Variants in TRIM25 observed in about 807,000 individuals in gnomAD.
TRIM25 encodes the protein E3 ubiquitin/ISG15 ligase TRIM25.
In TRIM25, 45 loss-of-function variants were observed where a neutral mutation model predicts 65.2. That is an observed-to-expected ratio of 0.69 (90% confidence interval 0.54 to 0.89). TRIM25 has a LOEUF of 0.89. Ranked by LOEUF, TRIM25 falls within the 40% of genes least tolerant of loss-of-function variation. TRIM25 has a pLI of 0.00. For missense variants in TRIM25, 714 were observed against 803.7 expected, an observed-to-expected ratio of 0.89 and a Z score of 1.35; for synonymous variants, 321 against 340.4, an observed-to-expected ratio of 0.94 and a Z score of 0.63.
In TRIM25 at chr17:56,904,408, G is replaced by A. The variant is rs1416135098; in HGVS notation, c.774C>T (p.Thr258=). Residue 258 remains threonine, a synonymous_variant, in exon 3 of 9, where the codon ACC becomes ACT. Transcript: ENST00000316881. ...CCTCTTCCTTTATCTTCCTTGTCGA[G>A]GTGGTCTCTGAGGCGTCCAAGAGAG... The part of the protein sequence containing the change: ...MKALLDASET[T]STRKIKEEEK... The A allele has an allele frequency of 1.2e-6, 2 of 1,613,950 alleles. No individual in the cohort carries two copies. Among genetic ancestry groups the A allele is most frequent in the Admixed American group, 3.3e-5 (2 of 60,000 alleles).
intron 6 of TRIM25, 37 bp from the exon 7 acceptor site, chr17:56,895,641 C>A (rs373056730): frequency 3.9e-6 from 6 of 1,527,982 alleles, no homozygotes; most frequent in Admixed American, 2.1e-5. Flanking sequence ...TACAGAGCAA[C>A]GGGATGGCCT....
At position 56,891,391 on chromosome 17, in the gene TRIM25, G is replaced by A; in HGVS notation, c.*309C>T. 1 of 402,238 alleles carries A rather than the reference G, an allele frequency of 2.5e-6. No homozygotes were observed. Among genetic ancestry groups the A allele is most frequent in the Non-Finnish European group, 4.6e-6 (1 of 217,818 alleles). The allele number at this position is 402,238 out of a possible 1,614,324, so 24.9% of individuals were successfully genotyped here. On this transcript the variant is annotated 3_prime_UTR_variant, in exon 9 of 9. Coordinates refer to ENST00000316881, the MANE Select transcript of TRIM25 (RefSeq NM_005082.5). Reference sequence around the variant, plus strand: ...ATGGATTTTCTCTAAGAGGAATCGGGCACTCATGACTTCACTTCCCAGAGC... The same window carrying A: ...ATGGATTTTCTCTAAGAGGAATCGGACACTCATGACTTCACTTCCCAGAGC...
intron 2 of TRIM25, among the ~76,000 whole-genome samples, chr17:56,905,516 T>A (rs1909502949): frequency 1.3e-5 from 2 of 152,200 alleles, no homozygotes; most frequent in Non-Finnish European, 2.9e-5. Flanking sequence ...TAGTCCAAAC[T>A]GAGACTTGCC....
chr17:56,894,177 T>G (rs559009107), intron 8 of TRIM25, among the ~76,000 whole-genome samples: 22 of 152,362 alleles, frequency 1.4e-4, no homozygotes, highest in African/African-American at 5.3e-4. Flanking sequence ...ACATACAGCT[T>G]TCCGTGCTTG....
At chr17:56,901,004 A>T (rs757651979) in intron 4 of TRIM25, among the ~76,000 whole-genome samples, 3 of 152,190 alleles carry the variant, frequency 2.0e-5, no homozygotes, top group Non-Finnish European at 4.4e-5. Flanking sequence ...AGGAGATTGA[A>T]AGAAGTGAAA....
rs145869531 is a variant in TRIM25, at chr17:56,895,300, G to C, written c.1363+43C>G. The stretch of plus-strand genomic sequence containing the variant: ...GAGCTGCACAGAGCGGCGCAGGAGA[G>C]ACAGAACCAGTGGAACCGCGCACCA... On this transcript the variant is annotated intron_variant, in intron 8 of 8. Coordinates refer to ENST00000316881, the MANE Select transcript of TRIM25 (RefSeq NM_005082.5). 2.6e-6 allele frequency: 4 copies of C among 1,530,746 alleles called. No individual in the cohort carries two copies. In the South Asian group the frequency reaches 3.4e-5, roughly 13 times the overall value. The allele number at this position is 1,530,746 out of a possible 1,614,324, so 94.8% of individuals were successfully genotyped here. A position where few individuals can be genotyped will look rare whatever the true frequency, so the allele number is the denominator to read the frequency against.
At chr17:56,895,823 C>A in intron 6 of TRIM25, 103 bp downstream of exon 6, 1 of 1,439,514 alleles carries the variant, frequency 6.9e-7, no homozygotes, top group Non-Finnish European at 9.5e-7. Flanking sequence ...ATATAGAACC[C>A]ATCACAGAAC....
Position 56,889,098 on chromosome 17 carries a change from A to G in TRIM25, c.*2602T>C, listed in dbSNP as rs900943945. Reference sequence around the variant, plus strand: ...TCAATAGTGAGAGGCAGAATACGGTAAAAGATAACATATTAGTATTATTGA... The same window carrying G: ...TCAATAGTGAGAGGCAGAATACGGTGAAAGATAACATATTAGTATTATTGA... On this transcript the variant is annotated 3_prime_UTR_variant, in exon 9 of 9. Transcript: ENST00000316881. 2.0e-5 allele frequency: 3 copies of G among 152,226 alleles called. No individual in the cohort carries two copies. Among genetic ancestry groups the G allele is most frequent in the African/African-American group, 7.2e-5 (3 of 41,460 alleles). The allele number at this position is 152,226 out of a possible 1,614,324, so 9.4% of individuals were successfully genotyped here.
At chr17:56,905,101 T>G (rs1909494145) in intron 2 of TRIM25, among the ~76,000 whole-genome samples, 1 of 152,206 alleles carries the variant, frequency 6.6e-6, no homozygotes. Context: ...GATGATATTT[T>G]ATTTCTTAAG....
In TRIM25 at chr17:56,890,043, T is replaced by C. The variant is rs205500; in HGVS notation, c.*1657A>G. On this transcript the variant is annotated 3_prime_UTR_variant, in exon 9 of 9. Coordinates refer to ENST00000316881, the MANE Select transcript of TRIM25 (RefSeq NM_005082.5). ...GAATATCAAGTGTTCTGAGCCTGCC[T>C]AGAGTGCCCTAGAGTTCCAGCACGA... is the stretch of plus-strand genomic sequence containing the variant. 231,255 of 399,882 alleles carry C rather than the reference T, an allele frequency of 0.58. 70,638 individuals are homozygous for C. The highest frequency in any genetic ancestry group is 0.65 in the Non-Finnish European group (147,122 of 226,156). 24.8% of individuals were successfully genotyped at this position (399,882 alleles called of 1,614,324 possible).
chr17:56,904,456 T>C lies in TRIM25; in HGVS notation c.726A>G (p.Gln242=). The change falls in exon 3 of 9, where the codon CAA becomes CAG. Residue 242 remains glutamine, a synonymous_variant. Transcript: ENST00000316881. ...GAGCCTTCATTTCCGTGTATTCTTG[T>C]TGTAGCTGCTCCACCTTTCTGTTTG... ...MTANRKVEQL[Q]QEYTEMKALL... is the part of the protein sequence containing the mutation. The C allele has an allele frequency of 6.2e-7, 1 of 1,614,192 alleles. No individual in the cohort carries two copies. Among genetic ancestry groups the C allele is most frequent in the Non-Finnish European group, 8.5e-7 (1 of 1,180,042 alleles).
intron 3 of TRIM25, among the ~76,000 whole-genome samples, chr17:56,901,841 G>C (rs1004550089): frequency 1.3e-5 from 2 of 152,172 alleles, no homozygotes; most frequent in South Asian, 2.1e-4. Context: ...CACCAGCTAG[G>C]GGCACAGACA....
At chr17:56,903,252 T>C (rs1024351326) in intron 3 of TRIM25, among the ~76,000 whole-genome samples, 1 of 152,032 alleles carries the variant, frequency 6.6e-6, no homozygotes. Context: ...AATACAAAAT[T>C]AGCTGGGCAT....
At chr17:56,894,718 G>T (rs568072921) in intron 8 of TRIM25, among the ~76,000 whole-genome samples, 1 of 152,214 alleles carries the variant, frequency 6.6e-6, no homozygotes, top group South Asian at 2.1e-4. Flanking sequence ...GAATGGAAAG[G>T]CCTAAGAGAG....
rs1193676500 is a variant in TRIM25, at chr17:56,913,529, G to T, written c.460C>A (p.Arg154Ser). ...CGATTGTGCTGGGAACATTTGCGGC[G>T]CAACAGGTCGCGAACGGGCGGCTGC... ...PLQPPVRDLL[R>S]RKCSQHNRLR... The change falls in exon 1 of 9, where the codon CGC becomes AGC. Residue 154 changes from arginine (R) to serine (S), a missense_variant. Coordinates refer to ENST00000316881, the MANE Select transcript of TRIM25 (RefSeq NM_005082.5). The surrounding 1 kb of genome is among the most constrained non-coding windows in gnomAD (Gnocchi z 6.1). 5 of 1,613,664 alleles carry T rather than the reference G, an allele frequency of 3.1e-6. No individual in the cohort carries two copies. In the African/African-American group the frequency reaches 5.3e-5, roughly 17 times the overall value.
chr17:56,890,434 A>G lies in TRIM25; in HGVS notation c.*1266T>C. 2.8e-6 allele frequency: 1 copy of G among 359,444 alleles called. No homozygotes were observed. Among genetic ancestry groups the G allele is most frequent in the South Asian group, 2.0e-5 (1 of 48,954 alleles). 22.3% of individuals were successfully genotyped at this position (359,444 alleles called of 1,614,324 possible). A position where few individuals can be genotyped will look rare whatever the true frequency, so the allele number is the denominator to read the frequency against. On this transcript the variant is annotated 3_prime_UTR_variant, in exon 9 of 9. Transcript: ENST00000316881. ...TATAATTGGCTTAAATGAGGAAGTC[A>G]GTAGAAGGGGCTAGGGCCAGCCCCA...
intron 3 of TRIM25, among the ~76,000 whole-genome samples, chr17:56,902,837 G>T (rs1332986053): frequency 2.6e-5 from 4 of 152,192 alleles, no homozygotes; most frequent in African/African-American, 9.7e-5. Context: ...TCGTGTCGTG[G>T]GGGTGGATTC....
chr17:56,893,568 A>G (rs1055103699), intron 8 of TRIM25, among the ~76,000 whole-genome samples: 2 of 152,186 alleles, frequency 1.3e-5, no homozygotes, highest in African/African-American at 4.8e-5. Context: ...GAAGGGCTAT[A>G]TTTTTCAGTG....
chr17:56,903,945 G>A (rs1034848636), intron 3 of TRIM25, among the ~76,000 whole-genome samples: 3 of 152,124 alleles, frequency 2.0e-5, no homozygotes, highest in African/African-American at 7.2e-5. Flanking sequence ...AGACAACCCT[G>A]AGCTCCAAAG....
Sources: gnomAD v4.1 joint callset for allele counts (sites outside exome capture counted in the v4.1 genomes callset) on GRCh38, gnomAD v4.1.1 for gene constraint, Gnocchi (gnomAD v3.1) non-coding constraint, MANE v1.5 for transcripts, NCBI Gene and HGNC (gene_info 2026-07-23, HGNC 2026-07-21) for gene names.